The following ANO4 variants were observed in gnomAD, a reference collection of about 807,000 sequenced individuals.
The protein encoded by ANO4 is anoctamin-4.
A neutral mutation model predicts 141.9 loss-of-function variants in ANO4; 69 were observed. The ratio of observed to expected loss-of-function variants is 0.49; its 90% CI spans 0.40 to 0.59. The LOEUF (loss-of-function observed/expected upper bound fraction) is 0.59. Among genes scored for constraint, ANO4 ranks in the 20% least tolerant of loss-of-function variants. ANO4 has a pLI of 0.00. For missense variants in ANO4, 894 were observed against 1,162.2 expected (o/e 0.77, Z 3.36); for synonymous variants, 350 against 394.3 (o/e 0.89, Z 1.33).
At chr12:101,124,992 T>C (rs538250278) in intron 26 of ANO4, among the ~76,000 whole-genome samples, 1 of 152,358 alleles carries the variant, frequency 6.6e-6, no homozygotes, top group Admixed American at 6.5e-5. Flanking sequence ...AAAGAGTTTC[T>C]TCTAATTCTG....
intron 1 of ANO4, among the ~76,000 whole-genome samples, chr12:100,824,819 T>G (rs2036244433): frequency 6.6e-6 from 1 of 152,062 alleles, no homozygotes; most frequent in Non-Finnish European, 1.5e-5. Flanking sequence ...TTTGTTTTAA[T>G]TTGAGTATTG....
intron 8 of ANO4, among the ~76,000 whole-genome samples, chr12:101,004,376 G>C (rs2045785653): frequency 6.6e-6 from 1 of 152,002 alleles, no homozygotes; most frequent in South Asian, 2.1e-4. Flanking sequence ...TGGGGCAACG[G>C]AGTGAGCCTA....
chr12:101,050,521 A>G (rs2047817222), intron 14 of ANO4, among the ~76,000 whole-genome samples: 1 of 152,210 alleles, frequency 6.6e-6, no homozygotes, highest in Non-Finnish European at 1.5e-5. Context: ...ATACACCGTG[A>G]TTCGGATAAG....
intron 9 of ANO4, among the ~76,000 whole-genome samples, chr12:101,028,735 GAAACAAACTGGA>G (rs2046844084): frequency 6.6e-6 from 1 of 152,148 alleles, no homozygotes; most frequent in Non-Finnish European, 1.5e-5. Flanking sequence ...GTGAAGAATG[GAAACAAACTGGA>G]AAACAAACTT....
intron 5 of ANO4, among the ~76,000 whole-genome samples, chr12:100,966,535 A>G (rs1400998066): frequency 6.6e-6 from 1 of 152,160 alleles, no homozygotes; most frequent in Non-Finnish European, 1.5e-5. Flanking sequence ...TATCATGTTT[A>G]TCCTGGACAC....
chr12:100,760,217 A>G (rs1256393706), intron 3 of ANO4, among the ~76,000 whole-genome samples: 2 of 152,172 alleles, frequency 1.3e-5, no homozygotes. Flanking sequence ...TTTAGGAGAG[A>G]TTTTGGGGGC....
chr12:100,829,229 ACT>A (rs2036516135), intron 1 of ANO4, among the ~76,000 whole-genome samples: 1 of 151,954 alleles, frequency 6.6e-6, no homozygotes, highest in African/African-American at 2.4e-5. Flanking sequence ...TTGAAACTAA[ACT>A]CTGCTGCTTA....
At chr12:100,797,985 C>A (rs1465699709) in intron 1 of ANO4, among the ~76,000 whole-genome samples, 1 of 152,166 alleles carries the variant, frequency 6.6e-6, no homozygotes, top group African/African-American at 2.4e-5. Context: ...AATATAACCT[C>A]ATACTTCTGC....
At chr12:101,071,292 T>G (rs1473803726) in intron 14 of ANO4, among the ~76,000 whole-genome samples, 7 of 140,030 alleles carry the variant, frequency 5.0e-5, no homozygotes, top group African/African-American at 1.9e-4. Context: ...GATGTATAAA[T>G]AAAGAAAACG....
intron 2 of ANO4, among the ~76,000 whole-genome samples, chr12:100,737,446 C>G (rs2031665790): frequency 1.3e-5 from 2 of 152,144 alleles, no homozygotes; most frequent in South Asian, 4.1e-4. Context: ...TCCCAAGACC[C>G]CATCCTTGAG....
Position 100,982,670 on chromosome 12 carries a change from A to G in ANO4, c.603-4869A>G, listed in dbSNP as rs551445866. Among the ~76,000 whole-genome samples, 4 of 152,302 alleles carry G rather than the reference A, an allele frequency of 2.6e-5. No individual in the cohort carries two copies. In the South Asian group the frequency reaches 6.2e-4, roughly 24 times the overall value. ...TTAATCCTTACCATTGCCTTGTTCT[A>G]TGGATTCTGTTGGCTCATAGAGGTT... On this transcript the variant is annotated intron_variant, in intron 7 of 27. Transcript: ENST00000392977.
At chr12:100,959,666 C>CT (rs1322569474) in intron 5 of ANO4, among the ~76,000 whole-genome samples, 2 of 152,178 alleles carry the variant, frequency 1.3e-5, no homozygotes, top group East Asian at 3.9e-4. Context: ...TGAGTCATTC[C>CT]TTCCTTGAGA....
intron 8 of ANO4, among the ~76,000 whole-genome samples, chr12:101,016,785 A>G (rs982859744): frequency 3.3e-5 from 5 of 152,228 alleles, no homozygotes; most frequent in African/African-American, 1.2e-4. Flanking sequence ...AACATCTTCA[A>G]TGCCAGCCAG....
intron 2 of ANO4, among the ~76,000 whole-genome samples, chr12:100,913,571 A>T (rs2041207402): frequency 6.6e-6 from 1 of 152,170 alleles, no homozygotes; most frequent in Non-Finnish European, 1.5e-5. Flanking sequence ...TATCATAGGT[A>T]TGTATGTATA....
At chr12:101,001,256 C>G (rs2045626132) in intron 8 of ANO4, among the ~76,000 whole-genome samples, 1 of 152,112 alleles carries the variant, frequency 6.6e-6, no homozygotes. Flanking sequence ...CCATCTGTTG[C>G]TATAGTATAC....
chr12:101,110,044 A>C (rs1328292055), intron 22 of ANO4, among the ~76,000 whole-genome samples: 2 of 152,098 alleles, frequency 1.3e-5, no homozygotes, highest in Admixed American at 6.6e-5. Context: ...TCATTTGTTG[A>C]GCATTTCCTT....
chr12:100,817,770 A>G (rs1197075301), intron 1 of ANO4, among the ~76,000 whole-genome samples: 2 of 152,002 alleles, frequency 1.3e-5, no homozygotes, highest in Non-Finnish European at 2.9e-5. Context: ...AAATGAGGGA[A>G]TAGTTAAAAC....
At chr12:100,799,845 C>T (rs1188187971) in intron 1 of ANO4, among the ~76,000 whole-genome samples, 1 of 152,162 alleles carries the variant, frequency 6.6e-6, no homozygotes, top group Non-Finnish European at 1.5e-5. Flanking sequence ...TCACATAGCA[C>T]CTGGGCCGGA....
intron 18 of ANO4, among the ~76,000 whole-genome samples, chr12:101,095,004 A>G (rs754129570): frequency 2.6e-5 from 4 of 152,178 alleles, no homozygotes; most frequent in Non-Finnish European, 4.4e-5. Context: ...TCACATTTTC[A>G]AAATAAAGAA....
Sources: gnomAD v4.1 joint callset for allele counts (sites outside exome capture counted in the v4.1 genomes callset) on GRCh38, gnomAD v4.1.1 for gene constraint, MANE v1.5 for transcripts, NCBI Gene and HGNC (gene_info 2026-07-23, HGNC 2026-07-21) for gene names.